The following PTN variants were observed in gnomAD, a reference collection of about 807,000 sequenced individuals.
The protein encoded by PTN is heparin affin regulatory protein.
A neutral mutation model predicts 24.1 loss-of-function variants in PTN; 18 were observed. The ratio of observed to expected loss-of-function variants is 0.75; its 90% confidence interval spans 0.52 to 1.11. The LOEUF is 1.11. Among genes scored for constraint, PTN ranks in the 50% least tolerant of loss-of-function variants. PTN has a pLI of 0.00. For missense variants in PTN, 163 were observed against 198.8 expected (o/e 0.82, Z 1.08); for synonymous variants, 78 against 68.6 (o/e 1.14, Z -0.67).
At chr7:137,337,010 G>C (rs969297525) in intron 1 of PTN, among the ~76,000 whole-genome samples, 1 of 152,086 alleles carries the variant, frequency 6.6e-6, no homozygotes, top group Non-Finnish European at 1.5e-5. Flanking sequence ...TTGGACCTTG[G>C]AGCTCAAATA....
rs1450656113 is a variant in PTN, at chr7:137,227,358, CCT to C, written c.*660_*661del. The C allele has an allele frequency of 6.6e-6, 1 of 150,736 alleles. No individual in the cohort carries two copies. The highest frequency in any genetic ancestry group is 2.0e-4 in the East Asian group (1 of 5,122). 9.3% of individuals were successfully genotyped at this position (150,736 alleles called of 1,614,324 possible). ...AAAACAACTTTTTTTTTCAGCATCACCTTGATTTATTTTCCTAGTATTTTTTT... is the reference window on the plus strand; with the variant it reads ...AAAACAACTTTTTTTTTCAGCATCACTGATTTATTTTCCTAGTATTTTTTT... On this transcript the variant is annotated 3_prime_UTR_variant, in exon 5 of 5. Coordinates refer to ENST00000348225, the MANE Select transcript of PTN (RefSeq NM_002825.7).
In PTN at chr7:137,277,900, TGAGATGATAGATAGATAGATA is replaced by T. The variant is rs753542375; in HGVS notation, c.-1-22947_-1-22927del. On this transcript the variant is annotated intron_variant, in intron 1 of 4. Coordinates refer to ENST00000348225, the MANE Select transcript of PTN (RefSeq NM_002825.7). ...ATATATATGTAGATAGATAGATAGATGAGATGATAGATAGATAGATAGATAGATAGATAGATAGATAGATAG... is the reference window on the plus strand; with the variant it reads ...ATATATATGTAGATAGATAGATAGATGATAGATAGATAGATAGATAGATAG... 9.1e-3 allele frequency among the ~76,000 whole-genome samples: 1,364 copies of T among 149,776 alleles called. 18 individuals are homozygous for T. The highest frequency in any genetic ancestry group is 0.03 in the African/African-American group (1,238 of 40,768).
At chr7:137,332,586 G>A (rs886204827) in intron 1 of PTN, among the ~76,000 whole-genome samples, 2 of 152,222 alleles carry the variant, frequency 1.3e-5, no homozygotes, top group African/African-American at 2.4e-5. Context: ...CATAGACACC[G>A]GTTAAAAATA....
At chr7:137,329,581 A>C (rs180774564) in intron 1 of PTN, among the ~76,000 whole-genome samples, 204 of 152,300 alleles carry the variant, frequency 1.3e-3, no homozygotes, top group Admixed American at 2.7e-3. Context: ...GCAGAAGAAA[A>C]AAGCAGGAGA....
At chr7:137,309,669 C>A (rs1809948600) in intron 1 of PTN, among the ~76,000 whole-genome samples, 1 of 152,140 alleles carries the variant, frequency 6.6e-6, no homozygotes, top group African/African-American at 2.4e-5. Flanking sequence ...GCTTCCATCT[C>A]AAGAAACCAC....
At chr7:137,314,015 C>CTATTT (rs1231288224) in intron 1 of PTN, among the ~76,000 whole-genome samples, 7 of 152,150 alleles carry the variant, frequency 4.6e-5, no homozygotes, top group Non-Finnish European at 8.8e-5. Flanking sequence ...ATAATCTCAC[C>CTATTT]TATTTTATTT....
At chr7:137,326,333 A>T (rs1810261531) in intron 1 of PTN, 1 of 152,156 alleles carries the variant, frequency 6.6e-6, no homozygotes, top group South Asian at 2.1e-4. Flanking sequence ...CTTTCTATCA[A>T]TGGCACTAGA....
rs1244070077 is a variant in PTN, at chr7:137,343,569, G to A, written c.-132C>T. ...GCCGCTGCTGCTCTCCCCGCCTTCT[G>A]GACGGATGACTCACTGGTCTCTTTC... On this transcript the variant is annotated 5_prime_UTR_variant, in exon 1 of 5. Transcript: ENST00000348225. 1.2e-5 allele frequency: 6 copies of A among 518,850 alleles called. No homozygotes were observed. Among genetic ancestry groups the A allele is most frequent in the South Asian group, 8.4e-5 (6 of 71,584 alleles). 32.1% of individuals were successfully genotyped at this position (518,850 alleles called of 1,614,324 possible). A position where few individuals can be genotyped will look rare whatever the true frequency, so the allele number is the denominator to read the frequency against.
chr7:137,237,104 A>T (rs1808536251), intron 4 of PTN, among the ~76,000 whole-genome samples: 1 of 152,152 alleles, frequency 6.6e-6, no homozygotes, highest in South Asian at 2.1e-4. Context: ...CTGAACTCCT[A>T]ACCCTTGTAT....
intron 1 of PTN, among the ~76,000 whole-genome samples, chr7:137,340,578 G>A (rs902565365): frequency 6.6e-6 from 1 of 152,194 alleles, no homozygotes; most frequent in Non-Finnish European, 1.5e-5. Flanking sequence ...TAAAAAGAAG[G>A]TTCATATCTG....
chr7:137,279,713 A>G (rs938056201), intron 1 of PTN, among the ~76,000 whole-genome samples: 10 of 152,338 alleles, frequency 6.6e-5, no homozygotes, highest in South Asian at 4.1e-4. Context: ...AAATTTAGTG[A>G]CGCTATATTT....
chr7:137,247,968 T>A (rs992144629), intron 4 of PTN, among the ~76,000 whole-genome samples: 1 of 152,180 alleles, frequency 6.6e-6, no homozygotes, highest in Non-Finnish European at 1.5e-5. Context: ...ATTAGAGATA[T>A]ACTCCTGGTC....
At position 137,271,976 on chromosome 7, in the gene PTN, T is replaced by A. The variant is rs542392076; in HGVS notation, c.-1-17002A>T. Reference sequence around the variant, plus strand: ...CATAATATCTTTTCTCAATAAGCTTTTCTAACTTCAATTGCAGCCCTCTTG... The same window carrying A: ...CATAATATCTTTTCTCAATAAGCTTATCTAACTTCAATTGCAGCCCTCTTG... On this transcript the variant is annotated intron_variant, in intron 1 of 4. Transcript: ENST00000348225. Among the ~76,000 whole-genome samples, 12 of 152,354 alleles carry A rather than the reference T, an allele frequency of 7.9e-5. No individual in the cohort carries two copies. The South Asian group carries it at 2.5e-3, about 32-fold the overall frequency.
chr7:137,263,848 G>C (rs1322591762), intron 1 of PTN, among the ~76,000 whole-genome samples: 2 of 151,948 alleles, frequency 1.3e-5, no homozygotes, highest in African/African-American at 4.8e-5. Flanking sequence ...AGCCTAGTGG[G>C]GGCCGTCCAG....
intron 4 of PTN, chr7:137,236,034 T>A: frequency 1.6e-6 from 1 of 611,176 alleles, no homozygotes; most frequent in Non-Finnish European, 2.9e-6. Flanking sequence ...CACTAGTGAA[T>A]AAAGTAGATT....
intron 1 of PTN, among the ~76,000 whole-genome samples, chr7:137,271,276 T>C (rs1809267261): frequency 6.6e-6 from 1 of 152,218 alleles, no homozygotes; most frequent in Non-Finnish European, 1.5e-5. Flanking sequence ...ATAATGTCCC[T>C]TTTTAAATTT....
rs370644872 is a variant in PTN at position 137,269,147 on chromosome 7, T to G, written c.-1-14173A>C. Among the ~76,000 whole-genome samples, 45 of 152,182 alleles carry G rather than the reference T, an allele frequency of 3.0e-4. No homozygotes were observed. The East Asian group carries it at 7.9e-3, about 27-fold the overall frequency. ...TTTATGTTCACATAGCTTTTCTAAT[T>G]TCACAAAATCTGTTCTTCTGTTCTT... On this transcript the variant is annotated intron_variant, in intron 1 of 4. Coordinates refer to ENST00000348225, the MANE Select transcript of PTN (RefSeq NM_002825.7).
At chr7:137,325,842 A>T (rs2290268) in intron 1 of PTN, 1 of 152,140 alleles carries the variant, frequency 6.6e-6, no homozygotes, top group African/African-American at 2.4e-5. Context: ...AAATTATAGA[A>T]GCCTCTCCTC....
intron 1 of PTN, among the ~76,000 whole-genome samples, chr7:137,262,969 C>T (rs1352740936): frequency 6.6e-6 from 1 of 152,154 alleles, no homozygotes; most frequent in East Asian, 1.9e-4. Flanking sequence ...GAGTATAAAA[C>T]AACATGAGAG....
Sources: gnomAD v4.1 joint callset for allele counts (sites outside exome capture counted in the v4.1 genomes callset) on GRCh38, gnomAD v4.1.1 for gene constraint, MANE v1.5 for transcripts, NCBI Gene and HGNC (gene_info 2026-07-23, HGNC 2026-07-21) for gene names.